The following VSIG2 variants were observed in gnomAD, a reference collection of about 807,000 sequenced individuals.
The protein encoded by VSIG2 is V-set and immunoglobulin domain containing 2, also known as V-set and immunoglobulin domain-containing protein 2.
A neutral mutation model predicts 29.4 loss-of-function variants in VSIG2; 30 were observed. The ratio of observed to expected loss-of-function variants is 1.02; its 90% CI spans 0.76 to 1.38. The LOEUF is 1.38. VSIG2 is among the 40% of genes most tolerant of loss of function. The probability of loss-of-function intolerance (pLI) is 0.00; values close to 1 mark genes in which losing one functional copy is unlikely to be tolerated. For synonymous variants in VSIG2, 178 were observed against 174.2 expected (o/e 1.02, Z -0.17); for missense variants, 421 against 400.8 (o/e 1.05, Z -0.43).
At chr11:124,748,152 C>G (rs1003440187) in intron 6 of VSIG2, 1 of 521,414 alleles carries the variant, frequency 1.9e-6, no homozygotes, top group African/African-American at 1.9e-5. Context: ...AGGGGCAGGG[C>G]AGTCCTGCAA....
Position 124,748,720 on chromosome 11 carries a change from G to C in VSIG2, c.630C>G (p.Thr210=). The C allele has an allele frequency of 6.2e-7, 1 of 1,614,238 alleles. No individual in the cohort carries two copies. The highest frequency in any genetic ancestry group is 8.5e-7 in the Non-Finnish European group (1 of 1,180,044). The change falls in exon 5 of 7, where the codon ACC becomes ACG. Residue 210 remains threonine (T), a synonymous_variant. Coordinates refer to ENST00000326621, the MANE Select transcript of VSIG2 (RefSeq NM_014312.5). ...GQLILTNLSL[T]SSGTYRCVAT... is the part of the protein sequence containing the mutation. ...CCACACAGCGGTAGGTGCCCGAGGA[G>C]GTCAGGGAGAGGTTGGTGAGAATGA...
At chr11:124,749,680 C>T in intron 4 of VSIG2, 28 bp downstream of exon 4, 5 of 1,606,408 alleles carry the variant, frequency 3.1e-6, no homozygotes, top group Non-Finnish European at 3.4e-6. Context: ...GTCTCCAGTA[C>T]CCTCTTCCTG....
At chr11:124,748,873 A>AT (rs1290057110) in intron 4 of VSIG2, 110 bp from the exon 5 acceptor site, 34 of 1,527,054 alleles carry the variant, frequency 2.2e-5, no homozygotes, top group Non-Finnish European at 2.8e-5. Context: ...GGAGCAACTA[A>AT]TTTTTTTTCA....
rs1555108848 is a variant in VSIG2 at position 124,749,885 on chromosome 11, A to AAC, written c.428-20_428-19insGT. ...GGGGGAACTGCAAAAAAAAAAAAAA[A>AAC]AAAAAAAAAACAGAAAGTTCCTCAG... On this transcript the variant is annotated intron_variant, in intron 3 of 6. Coordinates refer to ENST00000326621, the MANE Select transcript of VSIG2 (RefSeq NM_014312.5). 3.5e-4 allele frequency: 492 copies of AAC among 1,418,862 alleles called. 2 individuals are homozygous for AAC. The African/African-American group carries it at 3.6e-3, about 10-fold the overall frequency. The allele number at this position is 1,418,862 out of a possible 1,614,324, so 87.9% of individuals were successfully genotyped here. A position where few individuals can be genotyped will look rare whatever the true frequency, so the allele number is the denominator to read the frequency against.
At chr11:124,750,621 TA>T in intron 3 of VSIG2, 92 bp downstream of exon 3, 1 of 1,406,924 alleles carries the variant, frequency 7.1e-7, no homozygotes, top group Non-Finnish European at 9.7e-7. Flanking sequence ...GTGCTTGGGC[TA>T]AAAGTCAGAA....
In VSIG2 at chr11:124,749,884, A is replaced by ACAAAAAAAAAC; in HGVS notation, c.428-19_428-18insGTTTTTTTTTG. On this transcript the variant is annotated intron_variant, in intron 3 of 6. Coordinates refer to ENST00000326621, the MANE Select transcript of VSIG2 (RefSeq NM_014312.5). ...GGGGGGAACTGCAAAAAAAAAAAAA[A>ACAAAAAAAAAC]AAAAAAAAAAACAGAAAGTTCCTCA... 4.1e-6 allele frequency: 6 copies of ACAAAAAAAAAC among 1,460,288 alleles called. No individual in the cohort carries two copies. The highest frequency in any genetic ancestry group is 1.3e-5 in the South Asian group (1 of 79,066). The allele number at this position is 1,460,288 out of a possible 1,614,324, so 90.5% of individuals were successfully genotyped here.
intron 6 of VSIG2, 135 bp from the exon 7 acceptor site, chr11:124,747,802 G>A: frequency 2.1e-6 from 2 of 972,626 alleles, no homozygotes; most frequent in South Asian, 3.3e-5. Context: ...TGAAATTTCT[G>A]GGCCTCATCA....
At chr11:124,750,691 C>T (rs61910625) in intron 3 of VSIG2, 23 bp downstream of exon 3, 274,571 of 1,609,708 alleles carry the variant, frequency 0.17, 24,489 homozygotes, top group African/African-American at 0.31. Flanking sequence ...GTATGTGGCT[C>T]GTGGATCCCC....
rs768994517 is a variant in VSIG2, at chr11:124,749,837, TCTGA to T, written c.453_456del (p.Ser151ArgfsTer13). 1 of 1,546,660 alleles carries T rather than the reference TCTGA, an allele frequency of 6.5e-7. No individual in the cohort carries two copies. The highest frequency in any genetic ancestry group is 8.7e-7 in the Non-Finnish European group (1 of 1,144,860). On this transcript the variant is annotated frameshift_variant, in exon 4 of 7. Coordinates refer to ENST00000326621, the MANE Select transcript of VSIG2 (RefSeq NM_014312.5). LOFTEE classifies it high-confidence loss of function. ...GAGCCTCCCACAGAGGTTTGTCCAC[TCTGA>T]CTGCATAAGGGATTACTGGGGGGAA...
At chr11:124,750,603 G>A in intron 3 of VSIG2, 111 bp downstream of exon 3, 1 of 1,195,516 alleles carries the variant, frequency 8.4e-7, no homozygotes, top group African/African-American at 1.5e-5. Flanking sequence ...GGCCCCCAGT[G>A]CAGTTGTGTG....
At chr11:124,751,635 T>A (rs912584119) in intron 1 of VSIG2, 55 bp from the exon 2 acceptor site, 10 of 1,504,844 alleles carry the variant, frequency 6.6e-6, no homozygotes, top group Non-Finnish European at 8.0e-6. Context: ...ATCTGGAGGG[T>A]CGGGCCCACC....
chr11:124,751,476 C>T lies in VSIG2; in HGVS notation c.166G>A (p.Ala56Thr), dbSNP rs1320467379. Residue 56 changes from alanine to threonine, a missense_variant, in exon 2 of 7, where the codon GCC (alanine) becomes ACC (threonine). By Grantham distance (58) the Ala-to-Thr change is moderately conservative (BLOSUM62 0). Coordinates refer to ENST00000326621, the MANE Select transcript of VSIG2 (RefSeq NM_014312.5). ...GGCTGCACAAAGCTCCACTCCAGGG[C>T]GAAGCTGTCTCCCACCGACGTGCTG... Reference protein sequence around the residue: ...TYSTSVGDSFALEWSFVQPGK... With the variant: ...TYSTSVGDSFTLEWSFVQPGK... 6.2e-7 allele frequency: 1 copy of T among 1,613,080 alleles called. No individual in the cohort carries two copies. Among genetic ancestry groups the T allele is most frequent in the South Asian group, 1.1e-5 (1 of 91,084 alleles).
intron 1 of VSIG2, 37 bp from the exon 2 acceptor site, chr11:124,751,617 T>A (rs1944087955): frequency 6.5e-7 from 1 of 1,544,338 alleles, no homozygotes. Flanking sequence ...GGAACCCAAA[T>A]TCCAGTGATC....
Position 124,750,904 on chromosome 11 carries a change from A to G in VSIG2, c.237T>C (p.Asn79=), listed in dbSNP as rs1218245875. The change falls in exon 3 of 7, where the codon AAT becomes AAC. Residue 79 remains asparagine, a synonymous_variant. Coordinates refer to ENST00000326621, the MANE Select transcript of VSIG2 (RefSeq NM_014312.5). ...SESHPILYFT[N]GHLYPTGSKS... ...TAGAACCAGTTGGATACAGATGGCC[A>G]TTGGTGAAGTACAGGATCTGGGGAG... 2 of 1,614,102 alleles carry G rather than the reference A, an allele frequency of 1.2e-6. No homozygotes were observed. The highest frequency in any genetic ancestry group is 1.7e-5 in the Admixed American group (1 of 60,020).
intron 6 of VSIG2, 85 bp downstream of exon 6, chr11:124,748,305 G>T: frequency 1.1e-5 from 15 of 1,395,962 alleles, no homozygotes; most frequent in Non-Finnish European, 1.5e-5. Context: ...ACTGAATGAT[G>T]TCGGAGTTTG....
intron 2 of VSIG2, 93 bp downstream of exon 2, chr11:124,751,330 G>T: frequency 6.7e-7 from 1 of 1,501,936 alleles, no homozygotes; most frequent in Non-Finnish European, 9.1e-7. Context: ...CAAGCATACT[G>T]ATCCCCAAAC....
Position 124,749,866 on chromosome 11 carries a change from ACTG to A in VSIG2, c.428-3_428-1del. The A allele has an allele frequency of 2.2e-6, 3 of 1,392,154 alleles. No homozygotes were observed. The highest frequency in any genetic ancestry group is 2.5e-5 in the East Asian group (1 of 39,490). The allele number at this position is 1,392,154 out of a possible 1,614,324, so 86.2% of individuals were successfully genotyped here. A position where few individuals can be genotyped will look rare whatever the true frequency, so the allele number is the denominator to read the frequency against. ...ACTGCATAAGGGATTACTGGGGGGAACTGCAAAAAAAAAAAAAAAAAAAAAAAA... is the reference window on the plus strand; with the variant it reads ...ACTGCATAAGGGATTACTGGGGGGAACAAAAAAAAAAAAAAAAAAAAAAAA... On this transcript the variant is annotated splice_acceptor_variant and splice_polypyrimidine_tract_variant and intron_variant, in intron 3 of 6. Transcript: ENST00000326621. LOFTEE classifies it high-confidence loss of function.
chr11:124,749,936 C>G, intron 3 of VSIG2, 70 bp from the exon 4 acceptor site: 2 of 1,440,838 alleles, frequency 1.4e-6, no homozygotes, highest in Non-Finnish European at 1.8e-6. Context: ...ACTCCCAACT[C>G]CATTAGGTGC....
At chr11:124,749,978 A>G in intron 3 of VSIG2, 112 bp from the exon 4 acceptor site, 1 of 1,256,710 alleles carries the variant, frequency 8.0e-7, no homozygotes, top group Non-Finnish European at 1.1e-6. Flanking sequence ...CCTATCAAAC[A>G]GTGGTCCTCT....
Sources: allele counts gnomAD v4.1 joint callset, GRCh38; gene constraint gnomAD v4.1.1; transcripts MANE v1.5; gene names NCBI Gene and HGNC (gene_info 2026-07-23, HGNC 2026-07-21).